Variants in CACNA2D3 observed in about 807,000 individuals in gnomAD.
CACNA2D3 encodes calcium voltage-gated channel auxiliary subunit alpha2delta 3, also known as voltage-dependent calcium channel subunit alpha-2/delta-3.
A neutral mutation model predicts 160.6 loss-of-function variants in CACNA2D3; 60 were observed. The observed-to-expected ratio is 0.37, with a 90% confidence interval of 0.30 to 0.46. The LOEUF is 0.46. CACNA2D3 is among the 20% of genes least tolerant of loss of function. CACNA2D3 has a pLI of 1.00. For missense variants in CACNA2D3, 1,205 were observed against 1,365.0 expected, an observed-to-expected ratio of 0.88 and a Z score of 1.85; for synonymous variants, 558 against 492.9, an observed-to-expected ratio of 1.13 and a Z score of -1.75.
In CACNA2D3 at chr3:54,673,395, A is replaced by C. The variant is rs561245985; in HGVS notation, c.1167+31154A>C. On this transcript the variant is annotated intron_variant, in intron 11 of 37. Transcript: ENST00000474759. ...GTGTGCTTGAAAATTCCAAGAGGAG[A>C]ATATGTCATTCTTCCCAAACTTATC... Among the ~76,000 whole-genome samples the C allele has an allele frequency of 7.3e-4, 111 of 152,314 alleles. 1 individual carries two copies. Among genetic ancestry groups the C allele is most frequent in the African/African-American group, 2.4e-3 (99 of 41,576 alleles).
At chr3:54,445,135 C>T (rs908245864) in intron 4 of CACNA2D3, among the ~76,000 whole-genome samples, 2 of 152,210 alleles carry the variant, frequency 1.3e-5, no homozygotes, top group Non-Finnish European at 2.9e-5. Flanking sequence ...TTATGAGCCT[C>T]GGCTCAGGGA....
chr3:54,876,469 T>C (rs2106831397), intron 18 of CACNA2D3, among the ~76,000 whole-genome samples: 1 of 152,312 alleles, frequency 6.6e-6, no homozygotes, highest in South Asian at 2.1e-4. Context: ...TTAGAGCTCG[T>C]AGAAGAGTCT....
chr3:54,896,170 C>T (rs1224578668), intron 25 of CACNA2D3, among the ~76,000 whole-genome samples: 1 of 152,086 alleles, frequency 6.6e-6, no homozygotes, highest in Non-Finnish European at 1.5e-5. Flanking sequence ...GCGCAGAAGG[C>T]AGGGAGTCAG....
intron 34 of CACNA2D3, among the ~76,000 whole-genome samples, chr3:55,013,913 T>C (rs1703266818): frequency 6.6e-6 from 1 of 151,954 alleles, no homozygotes; most frequent in South Asian, 2.1e-4. Flanking sequence ...TAAGGGAAAA[T>C]TAAAGAAATT....
intron 4 of CACNA2D3, among the ~76,000 whole-genome samples, chr3:54,434,698 C>T (rs1246077418): frequency 6.6e-6 from 1 of 152,218 alleles, no homozygotes; most frequent in Non-Finnish European, 1.5e-5. Context: ...CAGGCCCACC[C>T]AACCAGGAGG....
intron 11 of CACNA2D3, among the ~76,000 whole-genome samples, chr3:54,681,382 CAAAAAAAA>C (rs565556596): frequency 9.7e-5 from 6 of 62,100 alleles, no homozygotes; most frequent in South Asian, 5.5e-4. Flanking sequence ...ACTAAAAATA[CAAAAAAAA>C]AAAAAAAAAA....
chr3:54,141,098 C>CGCGCGCGCACGTGCGT (rs59730153), intron 2 of CACNA2D3, among the ~76,000 whole-genome samples: 63 of 64,796 alleles, frequency 9.7e-4, no homozygotes, highest in African/African-American at 2.8e-3. Context: ...CGCGCGCGCG[C>CGCGCGCGCACGTGCGT]GTGTGTGCAT....
intron 2 of CACNA2D3, among the ~76,000 whole-genome samples, chr3:54,223,216 C>T (rs1701606682): frequency 6.6e-6 from 1 of 152,170 alleles, no homozygotes; most frequent in Non-Finnish European, 1.5e-5. Flanking sequence ...TGTCATTGTG[C>T]AAACATTGTA....
At chr3:54,787,600 G>A (rs1358359599) in intron 13 of CACNA2D3, among the ~76,000 whole-genome samples, 1 of 152,150 alleles carries the variant, frequency 6.6e-6, no homozygotes, top group African/African-American at 2.4e-5. Context: ...AATTAGTTAG[G>A]CCTTTGAGTT....
chr3:54,825,737 C>G (rs1403642578), intron 14 of CACNA2D3, among the ~76,000 whole-genome samples: 1 of 152,140 alleles, frequency 6.6e-6, no homozygotes, highest in Admixed American at 6.5e-5. Context: ...CACAAGAACA[C>G]CATTTTAACA....
At chr3:54,400,920 T>C (rs1692343988) in intron 4 of CACNA2D3, among the ~76,000 whole-genome samples, 1 of 152,156 alleles carries the variant, frequency 6.6e-6, no homozygotes, top group Non-Finnish European at 1.5e-5. Flanking sequence ...TTATGAATTT[T>C]CTAAAAAGGA....
intron 4 of CACNA2D3, among the ~76,000 whole-genome samples, chr3:54,502,853 A>G (rs1049565846): frequency 6.6e-6 from 1 of 152,214 alleles, no homozygotes; most frequent in Admixed American, 6.5e-5. Flanking sequence ...AGCCTTCTGT[A>G]TATGTGAGAT....
intron 27 of CACNA2D3, among the ~76,000 whole-genome samples, chr3:54,956,957 G>A (rs1443992667): frequency 6.6e-6 from 1 of 151,966 alleles, no homozygotes; most frequent in Non-Finnish European, 1.5e-5. Flanking sequence ...TAGGAGACTT[G>A]AGGCCCATAA....
chr3:54,728,421 A>G (rs1034272803), intron 11 of CACNA2D3, among the ~76,000 whole-genome samples: 1 of 152,140 alleles, frequency 6.6e-6, no homozygotes, highest in Non-Finnish European at 1.5e-5. Flanking sequence ...AATTTCATAC[A>G]ATTCTTTTTT....
intron 5 of CACNA2D3, among the ~76,000 whole-genome samples, chr3:54,508,622 C>T (rs1185803270): frequency 6.6e-6 from 1 of 152,182 alleles, no homozygotes; most frequent in African/African-American, 2.4e-5. Flanking sequence ...AGGAAGTAAC[C>T]CAATCTCAAT....
Position 55,074,394 on chromosome 3 carries a change from C to CT in CACNA2D3, c.*188_*189insT, listed in dbSNP as rs1553644126. ...GATATGTTGACAAAAAGTTATCTATCATCTTTTTACTTTGCCAGTCATGCA... is the reference window on the plus strand; with the variant it reads ...GATATGTTGACAAAAAGTTATCTATCTATCTTTTTACTTTGCCAGTCATGCA... On this transcript the variant is annotated 3_prime_UTR_variant, in exon 38 of 38. Coordinates refer to ENST00000474759, the MANE Select transcript of CACNA2D3 (RefSeq NM_018398.3). 2.2e-3 allele frequency: 823 copies of CT among 379,226 alleles called. 6 individuals are homozygous for CT. Among genetic ancestry groups the CT allele is most frequent in the African/African-American group, 0.018 (668 of 37,140 alleles). 23.5% of individuals were successfully genotyped at this position (379,226 alleles called of 1,614,324 possible).
intron 13 of CACNA2D3, among the ~76,000 whole-genome samples, chr3:54,803,531 G>A (rs1420673709): frequency 1.3e-5 from 2 of 152,166 alleles, no homozygotes; most frequent in Non-Finnish European, 2.9e-5. Context: ...AACGAACAAA[G>A]CCTCCAAGAA....
intron 32 of CACNA2D3, among the ~76,000 whole-genome samples, chr3:55,006,271 G>C (rs1475722051): frequency 2.6e-5 from 4 of 151,820 alleles, no homozygotes; most frequent in Admixed American, 2.6e-4. Context: ...CTCATATATT[G>C]AGCCAATGCC....
At chr3:55,017,254 T>C (rs1022608926) in intron 34 of CACNA2D3, among the ~76,000 whole-genome samples, 2 of 152,130 alleles carry the variant, frequency 1.3e-5, no homozygotes, top group Non-Finnish European at 2.9e-5. Context: ...GCATCCCCAT[T>C]TTACAGGTGA....
Sources: allele counts gnomAD v4.1 joint callset (sites outside exome capture counted in the v4.1 genomes callset), GRCh38; gene constraint gnomAD v4.1.1; transcripts MANE v1.5; gene names NCBI Gene and HGNC (gene_info 2026-07-23, HGNC 2026-07-21).